The following FRMD4B variants were observed in gnomAD, a reference collection of about 807,000 sequenced individuals.
FRMD4B encodes the protein FERM domain containing 4B.
A neutral mutation model predicts 141.5 loss-of-function variants in FRMD4B; 74 were observed. The ratio of observed to expected loss-of-function variants is 0.52; its 90% confidence interval spans 0.43 to 0.63. The LOEUF (loss-of-function observed/expected upper bound fraction) is 0.63. Ranked by LOEUF, FRMD4B falls within the 30% of genes least tolerant of loss-of-function variation. The probability of loss-of-function intolerance (pLI) is 0.00; values close to 1 mark genes in which losing one functional copy is unlikely to be tolerated. For synonymous variants in FRMD4B, 506 were observed against 467.9 expected (o/e 1.08, Z -1.05); for missense variants, 1,366 against 1,253.4 (o/e 1.09, Z -1.36).
intron 5 of FRMD4B, among the ~76,000 whole-genome samples, chr3:69,275,287 G>A (rs1057268619): frequency 2.0e-5 from 3 of 151,980 alleles, no homozygotes; most frequent in Non-Finnish European, 4.4e-5. Flanking sequence ...GAAAAAAAAC[G>A]TCGTTGTCTT....
intron 1 of FRMD4B, among the ~76,000 whole-genome samples, chr3:69,335,383 T>TG (rs1235748849): frequency 6.6e-6 from 1 of 150,878 alleles, no homozygotes; most frequent in African/African-American, 2.4e-5. Flanking sequence ...TTTTTTTTTT[T>TG]TTTTTCCGAG....
intron 1 of FRMD4B, among the ~76,000 whole-genome samples, chr3:69,520,476 G>T (rs1700838620): frequency 6.7e-6 from 1 of 149,214 alleles, no homozygotes; most frequent in Non-Finnish European, 1.5e-5. Context: ...GATACCTCTT[G>T]GGCTGCACCC....
intron 2 of FRMD4B, among the ~76,000 whole-genome samples, chr3:69,396,765 G>C (rs191068223): frequency 6.6e-6 from 1 of 152,288 alleles, no homozygotes; most frequent in Admixed American, 6.5e-5. Flanking sequence ...ATGTGGAAAA[G>C]ACTGGAGTTC....
At chr3:69,364,850 C>G (rs1703591434) in intron 1 of FRMD4B, among the ~76,000 whole-genome samples, 1 of 150,752 alleles carries the variant, frequency 6.6e-6, no homozygotes, top group Admixed American at 6.6e-5. Flanking sequence ...TTCTCCTACC[C>G]CAAGCTTTCT....
chr3:69,172,259 A>G (rs1414941409), intron 22 of FRMD4B, among the ~76,000 whole-genome samples: 1 of 152,220 alleles, frequency 6.6e-6, no homozygotes, highest in Non-Finnish European at 1.5e-5. Flanking sequence ...GTATTAAGTT[A>G]CATGTTAACT....
chr3:69,225,220 A>G (rs1463674837), intron 7 of FRMD4B, among the ~76,000 whole-genome samples: 2 of 152,230 alleles, frequency 1.3e-5, no homozygotes, highest in East Asian at 3.8e-4. Flanking sequence ...TCTCTTGAAT[A>G]GAAGATGACT....
At chr3:69,298,200 C>T (rs563846366) in intron 4 of FRMD4B, among the ~76,000 whole-genome samples, 5 of 152,282 alleles carry the variant, frequency 3.3e-5, no homozygotes, top group South Asian at 4.2e-4. Context: ...AGCAAGTTCT[C>T]GTGGAATTTT....
intron 7 of FRMD4B, among the ~76,000 whole-genome samples, chr3:69,242,818 C>A (rs965301549): frequency 6.6e-6 from 1 of 151,392 alleles, no homozygotes; most frequent in African/African-American, 2.4e-5. Flanking sequence ...CATGGTGAAA[C>A]CCCGTCTCTA....
intron 17 of FRMD4B, among the ~76,000 whole-genome samples, chr3:69,191,428 AAAACAAAAAAC>A (rs1319453553): frequency 1.3e-5 from 2 of 151,698 alleles, no homozygotes; most frequent in Non-Finnish European, 2.9e-5. Context: ...CAAAAGAAAA[AAAACAAAAAAC>A]AAACAAAAAA....
chr3:69,311,438 T>A, intron 2 of FRMD4B, 81 bp from the exon 3 acceptor site: 1 of 659,142 alleles, frequency 1.5e-6, no homozygotes, highest in Non-Finnish European at 2.7e-6. Context: ...CTAAATAATT[T>A]AAAGTAGCTT....
intron 1 of FRMD4B, among the ~76,000 whole-genome samples, chr3:69,385,238 G>A (rs1326583297): frequency 2.0e-5 from 3 of 152,032 alleles, no homozygotes; most frequent in Non-Finnish European, 2.9e-5. Context: ...CCAACGTGTA[G>A]CCGGGCCACC....
At chr3:69,230,726 C>A (rs1169700423) in intron 7 of FRMD4B, among the ~76,000 whole-genome samples, 1 of 149,756 alleles carries the variant, frequency 6.7e-6, no homozygotes, top group Non-Finnish European at 1.5e-5. Context: ...CCAGCCTGGA[C>A]AACAGAGCAA....
At chr3:69,496,627 GAGAGAGAGAA>G (rs1303776145) in intron 1 of FRMD4B, among the ~76,000 whole-genome samples, 15 of 94,040 alleles carry the variant, frequency 1.6e-4, no homozygotes, top group Non-Finnish European at 2.6e-4. Context: ...GAGAGAGAGA[GAGAGAGAGAA>G]AGAGAGAGAG....
chr3:69,531,381 T>C (rs1405550238), intron 1 of FRMD4B, among the ~76,000 whole-genome samples: 1 of 148,848 alleles, frequency 6.7e-6, no homozygotes, highest in Non-Finnish European at 1.5e-5. Context: ...TGTAGCCACA[T>C]TTATATGTAC....
intron 1 of FRMD4B, chr3:69,536,512 AGC>A (rs1457808761): frequency 7.2e-6 from 5 of 698,062 alleles, no homozygotes; most frequent in Non-Finnish European, 1.1e-5. Flanking sequence ...CCCAGCCTGC[AGC>A]GCCTCTACCA....
At chr3:69,394,707 C>T (rs1704446052) in intron 2 of FRMD4B, among the ~76,000 whole-genome samples, 1 of 152,192 alleles carries the variant, frequency 6.6e-6, no homozygotes, top group Admixed American at 6.5e-5. Flanking sequence ...ACTATAAAGA[C>T]ACATGCACAC....
chr3:69,255,690 T>C (rs935762096), intron 5 of FRMD4B, among the ~76,000 whole-genome samples: 3 of 152,158 alleles, frequency 2.0e-5, no homozygotes, highest in Admixed American at 2.0e-4. Context: ...ATGGCTCTAG[T>C]AGAAACACAT....
intron 5 of FRMD4B, among the ~76,000 whole-genome samples, chr3:69,285,093 G>A (rs1408410978): frequency 6.6e-6 from 1 of 152,230 alleles, no homozygotes; most frequent in Non-Finnish European, 1.5e-5. Context: ...AATCCAGGAG[G>A]TGGAGGTTGT....
At chr3:69,286,832 TCTAA>T (rs1433587859) in intron 5 of FRMD4B, among the ~76,000 whole-genome samples, 1 of 152,250 alleles carries the variant, frequency 6.6e-6, no homozygotes, top group African/African-American at 2.4e-5. Context: ...TGAGACAAAG[TCTAA>T]CTCTGTCGCC....
Sources: gnomAD v4.1 joint callset for allele counts (sites outside exome capture counted in the v4.1 genomes callset) on GRCh38, gnomAD v4.1.1 for gene constraint, MANE v1.5 for transcripts, NCBI Gene and HGNC (gene_info 2026-07-23, HGNC 2026-07-21) for gene names.